The following MSI2 variants were observed in gnomAD, a reference collection of about 807,000 sequenced individuals.
The protein encoded by MSI2 is RNA-binding protein Musashi homolog 2.
Under a neutral mutation model 45.6 loss-of-function variants are expected in MSI2, and 17 were observed. That is an observed-to-expected ratio of 0.37 (90% confidence interval 0.26 to 0.56). The LOEUF (loss-of-function observed/expected upper bound fraction) is 0.56, where lower values mean the gene tolerates loss of function less well. Ranked by LOEUF, MSI2 falls within the 20% of genes least tolerant of loss-of-function variation. MSI2 has a pLI of 0.77. For synonymous variants in MSI2, 156 were observed against 158.2 expected, an observed-to-expected ratio of 0.99 and a Z score of 0.11; for missense variants, 293 against 444.2, an observed-to-expected ratio of 0.66 and a Z score of 3.06.
At chr17:57,601,788 C>G (rs1265812952) in intron 8 of MSI2, 1 of 152,256 alleles carries the variant, frequency 6.6e-6, no homozygotes. Context: ...CTTATAGGCA[C>G]TGGGACTGTG....
At position 57,652,172 on chromosome 17, in the gene MSI2, G is replaced by A. The variant is rs368154033; in HGVS notation, c.790+11G>A. On this transcript the variant is annotated intron_variant, in intron 11 of 13. Coordinates refer to ENST00000284073, the MANE Select transcript of MSI2 (RefSeq NM_138962.4). This position sits in a 1 kb window ranked among gnomAD's most constrained non-coding sequence, Gnocchi z 4.1. ...CAGCAAGAGGATCAGGTAGGAAGGT[G>A]TATGGGACAGGCGACTCCCAGGCAT... 372 of 1,613,752 alleles carry A rather than the reference G, an allele frequency of 2.3e-4. No homozygotes were observed. The highest frequency in any genetic ancestry group is 2.4e-4 in the Non-Finnish European group (286 of 1,179,732).
intron 5 of MSI2, among the ~76,000 whole-genome samples, chr17:57,368,870 A>G (rs141515422): frequency 4.6e-5 from 7 of 152,338 alleles, no homozygotes; most frequent in Admixed American, 6.5e-5. Context: ...GATGAATAGA[A>G]GTTTACCAGA....
rs1298830980 is a variant in MSI2, at chr17:57,286,086, CTTTAT to C, written c.312+23898_312+23902del. On this transcript the variant is annotated intron_variant, in intron 5 of 13. Transcript: ENST00000284073. Reference sequence around the variant, plus strand: ...TCTTTCCCTCCCTTCCTTCTTTCTTCTTTATTTTTTCTTTCTTTCTTTTGTCTAAT... The same window carrying C: ...TCTTTCCCTCCCTTCCTTCTTTCTTCTTTTTCTTTCTTTCTTTTGTCTAAT... The C allele has an allele frequency of 2.9e-6, 3 of 1,026,424 alleles. No individual in the cohort carries two copies. In the Admixed American group the frequency reaches 1.1e-4, roughly 36 times the overall value. The allele number at this position is 1,026,424 out of a possible 1,614,324, so 63.6% of individuals were successfully genotyped here.
intron 9 of MSI2, among the ~76,000 whole-genome samples, chr17:57,622,120 C>G (rs547819477): frequency 6.6e-6 from 1 of 152,244 alleles, no homozygotes; most frequent in Non-Finnish European, 1.5e-5. Context: ...AATCTTGAAC[C>G]CGGGAGGCTG....
chr17:57,653,936 A>ATTT (rs35452889), intron 11 of MSI2, among the ~76,000 whole-genome samples: 1 of 133,726 alleles, frequency 7.5e-6, no homozygotes, highest in African/African-American at 2.9e-5. Flanking sequence ...CCAGTCACAC[A>ATTT]TTTTTTTTTT....
chr17:57,513,321 A>G (rs1349630560), intron 6 of MSI2, among the ~76,000 whole-genome samples: 1 of 152,156 alleles, frequency 6.6e-6, no homozygotes, highest in Middle Eastern at 3.2e-3. Flanking sequence ...GATAGGTACC[A>G]ACTTGAAGTG....
At chr17:57,536,340 C>T (rs553334203) in intron 7 of MSI2, among the ~76,000 whole-genome samples, 3 of 152,154 alleles carry the variant, frequency 2.0e-5, no homozygotes, top group Non-Finnish European at 4.4e-5. Flanking sequence ...GACCCTCTGG[C>T]CAGAAAGGGC....
At chr17:57,390,623 C>T (rs1255245737) in intron 5 of MSI2, among the ~76,000 whole-genome samples, 1 of 152,168 alleles carries the variant, frequency 6.6e-6, no homozygotes, top group African/African-American at 2.4e-5. Context: ...TTGTTCTTTT[C>T]GTGAAATCAA....
rs989009831 is a variant in MSI2, at chr17:57,331,506, C to A, written c.312+69314C>A. 2.6e-5 allele frequency among the ~76,000 whole-genome samples: 4 copies of A among 152,236 alleles called. No homozygotes were observed. The Middle Eastern group carries it at 0.01, about 388-fold the overall frequency. On this transcript the variant is annotated intron_variant, in intron 5 of 13. Transcript: ENST00000284073. ...CACCCTGGTGAGGACCATGGGTGAG[C>A]CACGTGAGGGTTGATCATCTGAATA... is the stretch of plus-strand genomic sequence containing the variant.
intron 5 of MSI2, among the ~76,000 whole-genome samples, chr17:57,391,723 C>A (rs2083795869): frequency 6.6e-6 from 1 of 152,212 alleles, no homozygotes; most frequent in African/African-American, 2.4e-5. Context: ...CTGGCTCTTT[C>A]TTTCCCACCT....
intron 6 of MSI2, among the ~76,000 whole-genome samples, chr17:57,505,161 C>G (rs142980908): frequency 6.6e-6 from 1 of 152,022 alleles, no homozygotes; most frequent in Non-Finnish European, 1.5e-5. Flanking sequence ...ATCCATGTCA[C>G]GGGAAACCAA....
At chr17:57,697,332 T>C in the MSI2 span, among the ~76,000 whole-genome samples, 1 of 151,578 alleles carries the variant, frequency 6.6e-6, no homozygotes, top group African/African-American at 2.4e-5. Context: ...TTACTCACAC[T>C]CAGCCCTCTC....
chr17:57,647,461 A>AC (rs1266521675), intron 10 of MSI2, among the ~76,000 whole-genome samples: 1 of 149,866 alleles, frequency 6.7e-6, no homozygotes. Context: ...AAAAAAAAAA[A>AC]AGTAAAGGAA....
intron 6 of MSI2, among the ~76,000 whole-genome samples, chr17:57,482,901 A>T (rs950399086): frequency 6.6e-6 from 1 of 152,212 alleles, no homozygotes; most frequent in Non-Finnish European, 1.5e-5. Flanking sequence ...GTGGTTTTGC[A>T]TGGCATCCAT....
intron 10 of MSI2, among the ~76,000 whole-genome samples, chr17:57,634,386 A>AGCCTGG (rs1239380441): frequency 6.6e-6 from 1 of 152,014 alleles, no homozygotes; most frequent in East Asian, 1.9e-4. Flanking sequence ...GAATCGCTTG[A>AGCCTGG]GCCTGGGAGG....
chr17:57,504,610 G>A (rs2086187118), intron 6 of MSI2, among the ~76,000 whole-genome samples: 1 of 152,226 alleles, frequency 6.6e-6, no homozygotes, highest in African/African-American at 2.4e-5. Context: ...ACAACTTACA[G>A]TGACAAGGTT....
chr17:57,592,815 G>C (rs1904957070), intron 7 of MSI2, among the ~76,000 whole-genome samples: 1 of 152,128 alleles, frequency 6.6e-6, no homozygotes, highest in Non-Finnish European at 1.5e-5. Flanking sequence ...TCCTACCTCA[G>C]TTGCCTTTCT....
At chr17:57,616,805 A>C (rs77931770) in intron 9 of MSI2, among the ~76,000 whole-genome samples, 2,626 of 152,330 alleles carry the variant, frequency 0.017, 69 homozygotes, top group African/African-American at 0.058. Flanking sequence ...AAGATGGAGA[A>C]AGCAGTGGAG....
At chr17:57,669,046 A>G (rs556018911) in intron 11 of MSI2, among the ~76,000 whole-genome samples, 1 of 152,254 alleles carries the variant, frequency 6.6e-6, no homozygotes, top group Non-Finnish European at 1.5e-5. Flanking sequence ...CTGGCCGGGC[A>G]GACTCCTGAA....
Sources: gnomAD v4.1 joint callset for allele counts (sites outside exome capture counted in the v4.1 genomes callset) on GRCh38, gnomAD v4.1.1 for gene constraint, Gnocchi (gnomAD v3.1) non-coding constraint, MANE v1.5 for transcripts, NCBI Gene and HGNC (gene_info 2026-07-23, HGNC 2026-07-21) for gene names.